ARHGEF3: variants seen among roughly 807,000 people sequenced by gnomAD.
ARHGEF3 encodes the protein Rho guanine nucleotide exchange factor 3.
Under a neutral mutation model 63.2 loss-of-function variants are expected in ARHGEF3, and 28 were observed. The observed-to-expected ratio is 0.44, with a 90% CI of 0.33 to 0.61. The LOEUF is 0.61. Ranked by LOEUF, ARHGEF3 falls within the 20% of genes least tolerant of loss-of-function variation. The probability of loss-of-function intolerance (pLI) is 0.03; values close to 1 mark genes in which losing one functional copy is unlikely to be tolerated. For missense variants in ARHGEF3, 533 were observed against 659.3 expected (o/e 0.81, Z 2.10); for synonymous variants, 266 against 254.2 (o/e 1.05, Z -0.44).
At chr3:56,744,002 C>T (rs556858316) in intron 7 of ARHGEF3, among the ~76,000 whole-genome samples, 1 of 147,604 alleles carries the variant, frequency 6.8e-6, no homozygotes, top group African/African-American at 2.5e-5. Context: ...AACCAACAAA[C>T]AAAAAAAAAA....
rs761432649 is a variant in ARHGEF3, at chr3:56,745,290, C to T, written c.785G>A (p.Arg262His). ...LWNFLDIPRS[R>H]LVKYPLLLRE... is the part of the protein sequence containing the mutation. ...GAGAAGCAGAGGGTATTTTACCAGG[C>T]GGCTTCTTGGAATATCGAGGAAATT... is the stretch of plus-strand genomic sequence containing the variant. The change falls in exon 7 of 10, where the codon CGC (arginine) becomes CAC (histidine). Residue 262 changes from arginine (R) to histidine (H), a missense_variant. Around this residue, in one of 4 missense-constraint regions of ARHGEF3, gnomAD observed 107 missense variants for 207.9 expected, o/e 0.51. Transcript: ENST00000296315. 3.7e-6 allele frequency: 6 copies of T among 1,613,754 alleles called. No individual in the cohort carries two copies. The highest frequency in any genetic ancestry group is 5.1e-6 in the Non-Finnish European group (6 of 1,179,984).
chr3:56,787,923 C>T (rs2036904797), intron 1 of ARHGEF3, among the ~76,000 whole-genome samples: 1 of 152,146 alleles, frequency 6.6e-6, no homozygotes, highest in African/African-American at 2.4e-5. Context: ...AGGCTATTAA[C>T]TCAGCAAGGC....
intron 3 of ARHGEF3, among the ~76,000 whole-genome samples, chr3:56,903,472 G>A (rs1043526800): frequency 6.6e-6 from 1 of 152,204 alleles, no homozygotes; most frequent in Non-Finnish European, 1.5e-5. Context: ...GCAAAGGACT[G>A]GAAATAACAG....
At chr3:57,045,465 C>T (rs1468010197) in intron 1 of ARHGEF3, among the ~76,000 whole-genome samples, 1 of 152,140 alleles carries the variant, frequency 6.6e-6, no homozygotes, top group Non-Finnish European at 1.5e-5. Context: ...TCTGTGCTGC[C>T]TACTGTATGA....
At chr3:57,036,393 GAGAA>G (rs1703964496) in intron 1 of ARHGEF3, among the ~76,000 whole-genome samples, 1 of 152,108 alleles carries the variant, frequency 6.6e-6, no homozygotes. Context: ...CAGAGGCAAA[GAGAA>G]AGACAAGGGA....
At chr3:57,042,700 A>ATTTTTTTTTTTTTTT (rs869145503) in intron 1 of ARHGEF3, among the ~76,000 whole-genome samples, 8 of 66,116 alleles carry the variant, frequency 1.2e-4, no homozygotes, top group Non-Finnish European at 1.7e-4. Context: ...ATATATATAT[A>ATTTTTTTTTTTTTTT]TTTTTTTTTT....
At chr3:56,830,290 A>T (rs1457707429) in intron 4 of ARHGEF3, among the ~76,000 whole-genome samples, 1 of 152,046 alleles carries the variant, frequency 6.6e-6, no homozygotes, top group African/African-American at 2.4e-5. Flanking sequence ...AGTGCTGATG[A>T]TGATAGGGAG....
chr3:56,971,771 G>A (rs566897070), intron 2 of ARHGEF3, among the ~76,000 whole-genome samples: 3 of 152,048 alleles, frequency 2.0e-5, no homozygotes, highest in South Asian at 4.1e-4. Flanking sequence ...GGAGAATGGC[G>A]TGAACCCAGG....
rs192653964 is a variant in ARHGEF3 at position 56,856,433 on chromosome 3, T to A, written c.192+25859A>T. On this transcript the variant is annotated intron_variant, in intron 4 of 12. Coordinates refer to the ARHGEF3 transcript ENST00000338458. ...TAATACTGCAATTTTACTTGTCTAT[T>A]TATTGCTTATAAACTGACACTGTCT... Among the ~76,000 whole-genome samples, 492 of 152,280 alleles carry A rather than the reference T, an allele frequency of 3.2e-3. 2 individuals carry two copies. Among genetic ancestry groups the A allele is most frequent in the African/African-American group, 0.011 (463 of 41,562 alleles).
intron 2 of ARHGEF3, among the ~76,000 whole-genome samples, chr3:57,017,239 G>C (rs141802969): frequency 6.6e-6 from 1 of 152,090 alleles, no homozygotes; most frequent in Non-Finnish European, 1.5e-5. Flanking sequence ...ATTCCATCAG[G>C]AGAGAGTCAG....
chr3:56,865,994 G>GA (rs11291963), intron 4 of ARHGEF3, among the ~76,000 whole-genome samples: 96 of 148,388 alleles, frequency 6.5e-4, no homozygotes, highest in Non-Finnish European at 1.0e-3. Context: ...ATCTGCAAAT[G>GA]AAAAAAAAAA....
intron 9 of ARHGEF3, 70 bp from the exon 10 acceptor site, chr3:56,729,692 G>T: frequency 2.3e-6 from 3 of 1,278,842 alleles, no homozygotes; most frequent in Non-Finnish European, 3.3e-6. Context: ...GAGAACACAC[G>T]TAGTGACACT....
intron 1 of ARHGEF3, among the ~76,000 whole-genome samples, chr3:57,042,259 T>C (rs1203721366): frequency 6.7e-6 from 1 of 150,312 alleles, no homozygotes. Flanking sequence ...AAATAATGAC[T>C]GATTGGTGTA....
chr3:56,853,773 A>G (rs1001506605), intron 4 of ARHGEF3, among the ~76,000 whole-genome samples: 2 of 152,240 alleles, frequency 1.3e-5, no homozygotes, highest in African/African-American at 4.8e-5. Flanking sequence ...CGCACATACT[A>G]CATGCCAAGA....
At chr3:56,979,537 C>A (rs1701247555) in intron 2 of ARHGEF3, among the ~76,000 whole-genome samples, 1 of 152,230 alleles carries the variant, frequency 6.6e-6, no homozygotes, top group Non-Finnish European at 1.5e-5. Flanking sequence ...AGACAAGGCA[C>A]AGGCCCAGGA....
At chr3:57,071,885 G>A (rs1305035880) in intron 1 of ARHGEF3, among the ~76,000 whole-genome samples, 2 of 152,040 alleles carry the variant, frequency 1.3e-5, no homozygotes, top group African/African-American at 4.8e-5. Flanking sequence ...ATAAGGAACT[G>A]AACTCAGAAT....
intron 1 of ARHGEF3, chr3:56,775,775 A>AATACACAC (rs2107849597): frequency 1.8e-6 from 1 of 560,250 alleles, no homozygotes; most frequent in East Asian, 1.5e-4. Flanking sequence ...TAGCGTACTG[A>AATACACAC]ATACACACAC....
chr3:56,849,277 G>A (rs919832728), intron 4 of ARHGEF3, among the ~76,000 whole-genome samples: 5 of 152,124 alleles, frequency 3.3e-5, no homozygotes, highest in Admixed American at 2.6e-4. Flanking sequence ...GTGTGCATGA[G>A]AAGCTAAAAT....
chr3:56,756,966 T>G (rs115335041), intron 2 of ARHGEF3, among the ~76,000 whole-genome samples: 1,933 of 152,294 alleles, frequency 0.013, 44 homozygotes, highest in African/African-American at 0.043. Context: ...ATACTTCTGA[T>G]ATAGCAATGA....
Sources: gnomAD v4.1 joint callset for allele counts (sites outside exome capture counted in the v4.1 genomes callset) on GRCh38, gnomAD v4.1.1 for gene constraint, gnomAD v4.1.1 regional missense constraint, MANE v1.5 for transcripts, NCBI Gene and HGNC (gene_info 2026-07-23, HGNC 2026-07-21) for gene names.